Variants in DCLK2 observed in about 807,000 individuals in gnomAD.
DCLK2 encodes the protein serine/threonine-protein kinase DCLK2.
A neutral mutation model predicts 78.4 loss-of-function variants in DCLK2; 31 were observed. That is an observed-to-expected ratio of 0.40 (90% CI 0.30 to 0.53). The LOEUF (loss-of-function observed/expected upper bound fraction) is 0.53, where lower values mean the gene tolerates loss of function less well. Ranked by LOEUF, DCLK2 falls within the 20% of genes least tolerant of loss-of-function variation. The pLI is 0.61. For synonymous variants in DCLK2, 407 were observed against 374.9 expected, an observed-to-expected ratio of 1.09 and a Z score of -0.99; for missense variants, 872 against 973.7, an observed-to-expected ratio of 0.90 and a Z score of 1.39.
At chr4:150,134,313 C>G (rs567780529) in intron 2 of DCLK2, among the ~76,000 whole-genome samples, 1 of 151,948 alleles carries the variant, frequency 6.6e-6, no homozygotes, top group African/African-American at 2.4e-5. Flanking sequence ...AACTTCTGAC[C>G]TCAGGTGATC....
chr4:150,188,322 A>G (rs903268391), intron 2 of DCLK2, among the ~76,000 whole-genome samples: 2 of 152,038 alleles, frequency 1.3e-5, no homozygotes, highest in Admixed American at 1.3e-4. Flanking sequence ...AAAAAATACA[A>G]AAATTAACCA....
At chr4:150,106,219 T>C (rs1731242208) in intron 2 of DCLK2, among the ~76,000 whole-genome samples, 1 of 152,200 alleles carries the variant, frequency 6.6e-6, no homozygotes, top group African/African-American at 2.4e-5. Context: ...TTGTACTATA[T>C]AGGTGAACTC....
intron 2 of DCLK2, among the ~76,000 whole-genome samples, chr4:150,144,254 T>G (rs1235047772): frequency 6.6e-6 from 1 of 152,206 alleles, no homozygotes; most frequent in Non-Finnish European, 1.5e-5. Context: ...GAGTTAATTT[T>G]TGTATATGGT....
intron 10 of DCLK2, among the ~76,000 whole-genome samples, chr4:150,239,253 A>G (rs910671750): frequency 6.6e-6 from 1 of 152,182 alleles, no homozygotes; most frequent in Non-Finnish European, 1.5e-5. Flanking sequence ...AAATCTCTGA[A>G]GAGAAAAAAA....
rs1560857403 is a variant in DCLK2 at position 150,195,322 on chromosome 4, TTATATATTATATATATTATATA to T, written c.859+2083_859+2104del. ...ATTATATATTATATTATATATTATA[TTATATATTATATATATTATATA>T]ATATTATATATTATATATATTATAT... On this transcript the variant is annotated intron_variant, in intron 3 of 15. Transcript: ENST00000296550. Among the ~76,000 whole-genome samples, 6 of 11,946 alleles carry T rather than the reference TTATATATTATATATATTATATA, an allele frequency of 5.0e-4. 3 individuals are homozygous for T. Among genetic ancestry groups the T allele is most frequent in the Non-Finnish European group, 1.0e-3 (6 of 6,006 alleles). The allele number at this position is 11,946 out of a possible 152,430, so 7.8% of individuals were successfully genotyped here.
At chr4:150,108,936 G>C (rs1165676458) in intron 2 of DCLK2, among the ~76,000 whole-genome samples, 1 of 152,180 alleles carries the variant, frequency 6.6e-6, no homozygotes, top group African/African-American at 2.4e-5. Flanking sequence ...ACCACTGCCA[G>C]CCTTAGGATG....
At chr4:150,255,847 C>G (rs970646896) in intron 15 of DCLK2, among the ~76,000 whole-genome samples, 173 bp from the exon 16 acceptor site, 3 of 152,246 alleles carry the variant, frequency 2.0e-5, no homozygotes, top group African/African-American at 7.2e-5. Context: ...CCCCTTCCCC[C>G]GGTGGGTTCC....
intron 2 of DCLK2, among the ~76,000 whole-genome samples, chr4:150,147,268 A>C (rs1391747150): frequency 2.0e-5 from 3 of 152,202 alleles, no homozygotes; most frequent in Admixed American, 1.3e-4. Flanking sequence ...ACTGCCCTCC[A>C]TCCTGGGCAA....
chr4:150,208,213 T>C (rs949041387), intron 5 of DCLK2, among the ~76,000 whole-genome samples: 1 of 152,170 alleles, frequency 6.6e-6, no homozygotes, highest in Non-Finnish European at 1.5e-5. Context: ...GAGGATTTTG[T>C]AGAACAAAAA....
intron 2 of DCLK2, among the ~76,000 whole-genome samples, chr4:150,188,585 T>G (rs992560454): frequency 6.6e-6 from 1 of 151,844 alleles, no homozygotes; most frequent in Non-Finnish European, 1.5e-5. Flanking sequence ...AACTGACAGG[T>G]GAAATCATTA....
At position 150,256,754 on chromosome 4, in the gene DCLK2, A is replaced by G. The variant is rs11545911; in HGVS notation, c.*507A>G. On this transcript the variant is annotated 3_prime_UTR_variant, in exon 16 of 16. Transcript: ENST00000296550. ...TTTTGTGGGTGTCCTGTGAGAGGTGATATGGGGGCTAAGAGGACTGGCTTT... is the reference window on the plus strand; with the variant it reads ...TTTTGTGGGTGTCCTGTGAGAGGTGGTATGGGGGCTAAGAGGACTGGCTTT... 1,885 of 152,232 alleles carry G rather than the reference A, an allele frequency of 0.012. 34 individuals are homozygous for G. The highest frequency in any genetic ancestry group is 0.043 in the African/African-American group (1,785 of 41,244). The allele number at this position is 152,232 out of a possible 1,614,324, so 9.4% of individuals were successfully genotyped here.
At chr4:150,247,296 G>T (rs1230741729) in intron 12 of DCLK2, among the ~76,000 whole-genome samples, 1 of 152,180 alleles carries the variant, frequency 6.6e-6, no homozygotes, top group Non-Finnish European at 1.5e-5. Flanking sequence ...TTGTGTGCAA[G>T]AATCACCACC....
chr4:150,198,123 T>C lies in DCLK2; in HGVS notation c.961+20T>C, dbSNP rs1424115090. 1 of 1,588,118 alleles carries C rather than the reference T, an allele frequency of 6.3e-7. No homozygotes were observed. The highest frequency in any genetic ancestry group is 2.2e-5 in the East Asian group (1 of 44,694). On this transcript the variant is annotated intron_variant, in intron 4 of 15. Coordinates refer to ENST00000296550, the MANE Select transcript of DCLK2 (RefSeq NM_001040260.4). ...CTTCAGGTAGTTAATGGAAAAGGAATAGATGGTCATAGCAGGAACAGATCA... is the reference window on the plus strand; with the variant it reads ...CTTCAGGTAGTTAATGGAAAAGGAACAGATGGTCATAGCAGGAACAGATCA...
At chr4:150,152,428 C>T (rs1217597404) in intron 2 of DCLK2, among the ~76,000 whole-genome samples, 1 of 152,116 alleles carries the variant, frequency 6.6e-6, no homozygotes, top group Non-Finnish European at 1.5e-5. Context: ...ATTACAGGTG[C>T]CCACCACCAC....
intron 1 of DCLK2, among the ~76,000 whole-genome samples, chr4:150,093,718 A>T (rs574377756): frequency 6.6e-6 from 1 of 152,330 alleles, no homozygotes; most frequent in African/African-American, 2.4e-5. Context: ...ACAACCTAAG[A>T]TTCATGCAGA....
chr4:150,163,521 C>T (rs116758588), intron 2 of DCLK2, among the ~76,000 whole-genome samples: 1,922 of 152,248 alleles, frequency 0.013, 44 homozygotes, highest in African/African-American at 0.044. Flanking sequence ...CTTGCCCAAC[C>T]GCCACCCCAT....
At chr4:150,155,999 G>C (rs1735243932) in intron 2 of DCLK2, among the ~76,000 whole-genome samples, 1 of 152,132 alleles carries the variant, frequency 6.6e-6, no homozygotes, top group African/African-American at 2.4e-5. Context: ...AGTCAGGAAA[G>C]ACAGATGAAT....
intron 2 of DCLK2, among the ~76,000 whole-genome samples, chr4:150,170,373 A>G (rs1341271287): frequency 6.6e-6 from 1 of 152,154 alleles, no homozygotes; most frequent in African/African-American, 2.4e-5. Context: ...GAAAAAGATA[A>G]AGGAAATAAC....
chr4:150,253,514 T>G, intron 15 of DCLK2: 1 of 1,289,666 alleles, frequency 7.8e-7, no homozygotes, highest in Non-Finnish European at 1.0e-6. Flanking sequence ...AGTTTCCTTC[T>G]TTACCCCGCT....
Sources: gnomAD v4.1 joint callset for allele counts (sites outside exome capture counted in the v4.1 genomes callset) on GRCh38, gnomAD v4.1.1 for gene constraint, MANE v1.5 for transcripts, NCBI Gene and HGNC (gene_info 2026-07-23, HGNC 2026-07-21) for gene names.